NDUFS4: variants seen among roughly 807,000 people sequenced by gnomAD.
The protein encoded by NDUFS4 is NADH:ubiquinone oxidoreductase subunit S4.
NDUFS4 carries 28 observed loss-of-function variants against 24.3 expected under a neutral mutation model. The observed-to-expected ratio is 1.15, with a 90% confidence interval of 0.85 to 1.58. The LOEUF (loss-of-function observed/expected upper bound fraction) is 1.58. NDUFS4 is among the 40% of genes most tolerant of loss of function. The probability of loss-of-function intolerance (pLI) is 0.00; values close to 1 mark genes in which losing one functional copy is unlikely to be tolerated. For synonymous variants in NDUFS4, 93 were observed against 69.7 expected, an observed-to-expected ratio of 1.34 and a Z score of -1.67; for missense variants, 223 against 207.9, an observed-to-expected ratio of 1.07 and a Z score of -0.45.
At chr5:53,662,045 T>C (rs1331660237) in intron 4 of NDUFS4, among the ~76,000 whole-genome samples, 2 of 151,924 alleles carry the variant, frequency 1.3e-5, no homozygotes, top group Non-Finnish European at 2.9e-5. Flanking sequence ...TGAATAGGAG[T>C]GGTGAGAGAG....
chr5:53,678,847 C>G (rs1401747705), intron 4 of NDUFS4, among the ~76,000 whole-genome samples: 1 of 152,108 alleles, frequency 6.6e-6, no homozygotes, highest in East Asian at 1.9e-4. Context: ...AATGTCCTTT[C>G]AAGTGTTGTT....
In NDUFS4 at chr5:53,593,576, T is replaced by A. The variant is rs1445601932; in HGVS notation, c.99-9876T>A. Among the ~76,000 whole-genome samples the A allele has an allele frequency of 4.3e-4, 65 of 150,986 alleles. 2 individuals are homozygous for A. The highest frequency in any genetic ancestry group is 4.2e-3 in the Admixed American group (63 of 14,964). Reference sequence around the variant, plus strand: ...GTTTACTATAATTTTTTTTATCTTCTTCTTGCCTTAGGTTTATGTTGCCCT... The same window carrying A: ...GTTTACTATAATTTTTTTTATCTTCATCTTGCCTTAGGTTTATGTTGCCCT... On this transcript the variant is annotated intron_variant, in intron 1 of 4. Transcript: ENST00000296684.
intron 2 of NDUFS4, among the ~76,000 whole-genome samples, chr5:53,638,444 T>G (rs1481541147): frequency 6.6e-6 from 1 of 151,978 alleles, no homozygotes; most frequent in Non-Finnish European, 1.5e-5. Context: ...GACAAAAGAT[T>G]TTAAAGGCAA....
chr5:53,600,486 T>G (rs1218440416), intron 1 of NDUFS4, among the ~76,000 whole-genome samples: 1 of 152,062 alleles, frequency 6.6e-6, no homozygotes, highest in African/African-American at 2.4e-5. Flanking sequence ...TTTTTGTATT[T>G]TTAGTAGAGG....
chr5:53,672,726 G>A (rs985277650), intron 4 of NDUFS4, among the ~76,000 whole-genome samples: 19 of 152,152 alleles, frequency 1.2e-4, no homozygotes, highest in African/African-American at 3.1e-4. Flanking sequence ...TAGCAAGAGT[G>A]TTAATTTGTC....
At chr5:53,671,826 C>T (rs1273507741) in intron 4 of NDUFS4, among the ~76,000 whole-genome samples, 1 of 151,940 alleles carries the variant, frequency 6.6e-6, no homozygotes, top group Non-Finnish European at 1.5e-5. Flanking sequence ...GGTCTTTTTT[C>T]CCCCGTTTGA....
chr5:53,650,092 A>T (rs145308507), intron 3 of NDUFS4, among the ~76,000 whole-genome samples: 62 of 152,286 alleles, frequency 4.1e-4, no homozygotes, highest in African/African-American at 1.3e-3. Context: ...TGAAATGTTA[A>T]TGATTACTGT....
intron 4 of NDUFS4, among the ~76,000 whole-genome samples, chr5:53,661,975 G>C (rs2112526637): frequency 6.6e-6 from 1 of 152,170 alleles, no homozygotes; most frequent in South Asian, 2.1e-4. Context: ...TTTCCTAATT[G>C]AATACCCTTT....
intron 2 of NDUFS4, among the ~76,000 whole-genome samples, chr5:53,635,373 A>T (rs991270835): frequency 1.3e-5 from 2 of 151,450 alleles, no homozygotes; most frequent in East Asian, 1.9e-4. Flanking sequence ...GCAAAAAATT[A>T]GCCAGGCAGG....
At chr5:53,569,651 A>T (rs960281548) in intron 1 of NDUFS4, among the ~76,000 whole-genome samples, 6 of 152,162 alleles carry the variant, frequency 3.9e-5, no homozygotes, top group Non-Finnish European at 7.4e-5. Context: ...CTGGTAAGTG[A>T]TGTTTTTCTT....
intron 2 of NDUFS4, among the ~76,000 whole-genome samples, chr5:53,645,548 G>A (rs989179693): frequency 6.6e-6 from 1 of 152,080 alleles, no homozygotes; most frequent in African/African-American, 2.4e-5. Context: ...TAGAAAAATC[G>A]AGTTAAAGTT....
At chr5:53,682,180 GACTT>G (rs1223654501) in intron 4 of NDUFS4, among the ~76,000 whole-genome samples, 2 of 152,080 alleles carry the variant, frequency 1.3e-5, no homozygotes, top group Admixed American at 6.6e-5. Context: ...ATAAAAGAAT[GACTT>G]AATTATATTT....
At chr5:53,580,424 T>A (rs1749521460) in intron 1 of NDUFS4, among the ~76,000 whole-genome samples, 1 of 152,226 alleles carries the variant, frequency 6.6e-6, no homozygotes, top group Non-Finnish European at 1.5e-5. Flanking sequence ...CTTCCTAAAT[T>A]AGAATTTCCA....
At chr5:53,585,486 C>A (rs1749719524) in intron 1 of NDUFS4, among the ~76,000 whole-genome samples, 1 of 152,158 alleles carries the variant, frequency 6.6e-6, no homozygotes, top group African/African-American at 2.4e-5. Context: ...TGGCTCACGC[C>A]TGTAATCCCA....
intron 2 of NDUFS4, chr5:53,604,888 T>G: frequency 2.2e-6 from 1 of 456,234 alleles, no homozygotes; most frequent in Non-Finnish European, 4.4e-6. Context: ...CTACCTATTC[T>G]TCAAATGGTA....
intron 1 of NDUFS4, among the ~76,000 whole-genome samples, chr5:53,574,487 C>T (rs1328296184): frequency 1.3e-5 from 2 of 152,124 alleles, no homozygotes; most frequent in African/African-American, 2.4e-5. Flanking sequence ...AAGATTTTTA[C>T]ATCTGTGTTT....
intron 2 of NDUFS4, among the ~76,000 whole-genome samples, chr5:53,625,972 G>T (rs1751209406): frequency 6.6e-6 from 1 of 152,108 alleles, no homozygotes; most frequent in Non-Finnish European, 1.5e-5. Flanking sequence ...GTGCCATGCT[G>T]GTTTGCTGCA....
chr5:53,612,264 A>G (rs757169233), intron 2 of NDUFS4, among the ~76,000 whole-genome samples: 2 of 152,030 alleles, frequency 1.3e-5, no homozygotes, highest in Non-Finnish European at 2.9e-5. Context: ...GACACTTTAC[A>G]TTGTTTTCAT....
intron 4 of NDUFS4, among the ~76,000 whole-genome samples, chr5:53,672,504 G>A (rs1203474779): frequency 1.3e-5 from 2 of 152,092 alleles, no homozygotes; most frequent in Non-Finnish European, 2.9e-5. Flanking sequence ...CCTAAAAAGA[G>A]TTGCCAAGTA....
Sources: allele counts gnomAD v4.1 joint callset (sites outside exome capture counted in the v4.1 genomes callset), GRCh38; gene constraint gnomAD v4.1.1; transcripts MANE v1.5; gene names NCBI Gene and HGNC (gene_info 2026-07-23, HGNC 2026-07-21).